Variants in INPP4B observed in about 807,000 individuals in gnomAD.
INPP4B encodes inositol polyphosphate 4-phosphatase type II.
Under a neutral mutation model 122.5 loss-of-function variants are expected in INPP4B, and 55 were observed. The observed-to-expected ratio is 0.45, with a 90% CI of 0.36 to 0.56. INPP4B has a LOEUF of 0.56. INPP4B is among the 20% of genes least tolerant of loss of function. The pLI, the probability that INPP4B is intolerant of heterozygous loss-of-function variation, is 0.00. For missense variants in INPP4B, 1,000 were observed against 1,097.7 expected, an observed-to-expected ratio of 0.91 and a Z score of 1.26; for synonymous variants, 403 against 388.7, an observed-to-expected ratio of 1.04 and a Z score of -0.43.
At chr4:142,086,291 G>C (rs1220678864) in intron 23 of INPP4B, 35 bp from the exon 24 acceptor site, 2 of 1,181,776 alleles carry the variant, frequency 1.7e-6, no homozygotes. Context: ...AAAATAAAAT[G>C]AGACAGTGTT....
intron 2 of INPP4B, among the ~76,000 whole-genome samples, chr4:142,652,276 C>G (rs888268549): frequency 6.6e-6 from 1 of 152,144 alleles, no homozygotes; most frequent in Non-Finnish European, 1.5e-5. Flanking sequence ...ACTCAATTGG[C>G]AAAAACTGGA....
At chr4:142,311,761 A>G (rs1765585681) in intron 8 of INPP4B, among the ~76,000 whole-genome samples, 1 of 152,218 alleles carries the variant, frequency 6.6e-6, no homozygotes, top group African/African-American at 2.4e-5. Flanking sequence ...ACAGTATACA[A>G]AATGAAATTT....
intron 2 of INPP4B, among the ~76,000 whole-genome samples, chr4:142,689,955 G>A (rs544197600): frequency 1.1e-4 from 17 of 152,052 alleles, no homozygotes; most frequent in African/African-American, 3.4e-4. Context: ...TAGATAGATC[G>A]CAACTACTGT....
intron 2 of INPP4B, among the ~76,000 whole-genome samples, chr4:142,505,329 A>T (rs1823882724): frequency 6.6e-6 from 1 of 152,142 alleles, no homozygotes; most frequent in Non-Finnish European, 1.5e-5. Context: ...TATCAATAAA[A>T]ATGGTGATGA....
rs547371247 is a variant in INPP4B, at chr4:142,476,630, G to A, written c.-190-13904C>T. Among the ~76,000 whole-genome samples, 6 of 152,208 alleles carry A rather than the reference G, an allele frequency of 3.9e-5. No homozygotes were observed. In the South Asian group the frequency reaches 1.0e-3, roughly 26 times the overall value. On this transcript the variant is annotated intron_variant, in intron 2 of 25. Coordinates refer to ENST00000262992, the MANE Select transcript of INPP4B (RefSeq NM_001101669.3). The stretch of plus-strand genomic sequence containing the variant: ...AAAGGGATGGAGAAATATCTACCAA[G>A]CAAACAGAAAAAAGCAGGGGTCGCT...
chr4:142,185,696 G>A (rs929213092), intron 15 of INPP4B, among the ~76,000 whole-genome samples: 9 of 151,590 alleles, frequency 5.9e-5, no homozygotes, highest in Admixed American at 2.0e-4. Flanking sequence ...TGGCTAACAC[G>A]GTGAAACCCT....
intron 21 of INPP4B, among the ~76,000 whole-genome samples, chr4:142,115,420 G>C (rs981812039): frequency 6.6e-6 from 1 of 152,120 alleles, no homozygotes; most frequent in African/African-American, 2.4e-5. Context: ...AGAAAGATTG[G>C]GTTACCCACA....
intron 23 of INPP4B, among the ~76,000 whole-genome samples, chr4:142,091,748 C>A (rs569718676): frequency 1.4e-4 from 22 of 152,270 alleles, no homozygotes; most frequent in Non-Finnish European, 2.6e-4. Flanking sequence ...ACTTTGACGA[C>A]CTGAATCACA....
intron 25 of INPP4B, among the ~76,000 whole-genome samples, chr4:142,081,700 C>T (rs994180740): frequency 4.6e-5 from 7 of 151,916 alleles, no homozygotes; most frequent in Non-Finnish European, 8.8e-5. Flanking sequence ...ATGAGATTTT[C>T]GGGGCCCCTT....
intron 12 of INPP4B, among the ~76,000 whole-genome samples, chr4:142,217,357 T>C (rs1847726311): frequency 6.6e-6 from 1 of 152,226 alleles, no homozygotes; most frequent in South Asian, 2.1e-4. Flanking sequence ...CGCAGTCTCC[T>C]ACCCATGGGA....
At chr4:142,516,791 A>G (rs975374281) in intron 2 of INPP4B, among the ~76,000 whole-genome samples, 1 of 151,218 alleles carries the variant, frequency 6.6e-6, no homozygotes, top group Non-Finnish European at 1.5e-5. Flanking sequence ...CAGTCAGGTT[A>G]CTACTGGTTG....
chr4:142,474,705 G>T (rs1224380452), intron 2 of INPP4B, among the ~76,000 whole-genome samples: 1 of 152,180 alleles, frequency 6.6e-6, no homozygotes, highest in Non-Finnish European at 1.5e-5. Flanking sequence ...TTCCAGCCCG[G>T]CAGTCCCACT....
At chr4:142,509,227 T>G (rs974955502) in intron 2 of INPP4B, among the ~76,000 whole-genome samples, 1 of 152,212 alleles carries the variant, frequency 6.6e-6, no homozygotes, top group Non-Finnish European at 1.5e-5. Flanking sequence ...GGACCAGTTA[T>G]TTTTAATTTT....
chr4:142,647,467 G>A (rs1373439688), intron 2 of INPP4B, among the ~76,000 whole-genome samples: 1 of 152,154 alleles, frequency 6.6e-6, no homozygotes, highest in South Asian at 2.1e-4. Flanking sequence ...GAGTGAAAAG[G>A]CCATCAATGA....
Position 142,028,710 on chromosome 4 carries a change from CAAAA to C in INPP4B, c.*68_*71del, listed in dbSNP as rs1189266648. 2 of 1,489,942 alleles carry C rather than the reference CAAAA, an allele frequency of 1.3e-6. No homozygotes were observed. Among genetic ancestry groups the C allele is most frequent in the African/African-American group, 1.4e-5 (1 of 70,866 alleles). The allele number at this position is 1,489,942 out of a possible 1,614,324, so 92.3% of individuals were successfully genotyped here. A position where few individuals can be genotyped will look rare whatever the true frequency, so the allele number is the denominator to read the frequency against. The stretch of plus-strand genomic sequence containing the variant: ...ACAAATTCATGACAATAAAAACAAA[CAAAA>C]AAGACCAAGGTGAAGATTATCCAAC... On this transcript the variant is annotated 3_prime_UTR_variant, in exon 26 of 26. Transcript: ENST00000262992.
chr4:142,417,607 G>A (rs950916014), intron 5 of INPP4B, among the ~76,000 whole-genome samples: 1 of 152,078 alleles, frequency 6.6e-6, no homozygotes, highest in African/African-American at 2.4e-5. Context: ...TCACAGATAA[G>A]GAATCAGAGT....
chr4:142,737,622 T>G (rs894004622), intron 1 of INPP4B, among the ~76,000 whole-genome samples: 2 of 152,034 alleles, frequency 1.3e-5, no homozygotes, highest in African/African-American at 4.8e-5. Flanking sequence ...GGGATCTAAT[T>G]AAACTAAAGA....
intron 11 of INPP4B, among the ~76,000 whole-genome samples, chr4:142,250,044 T>C (rs1442460058): frequency 6.6e-6 from 1 of 152,254 alleles, no homozygotes; most frequent in Admixed American, 6.5e-5. Context: ...AAAGTCAAAC[T>C]AAGTAAGAGC....
chr4:142,480,146 G>T (rs149202031), intron 2 of INPP4B, among the ~76,000 whole-genome samples: 15 of 152,184 alleles, frequency 9.9e-5, no homozygotes, highest in African/African-American at 3.1e-4. Context: ...ATAAATGACT[G>T]CAAAACCTAT....
Sources: allele counts gnomAD v4.1 joint callset (sites outside exome capture counted in the v4.1 genomes callset), GRCh38; gene constraint gnomAD v4.1.1; transcripts MANE v1.5; gene names NCBI Gene and HGNC (gene_info 2026-07-23, HGNC 2026-07-21).